The following DYRK1A variants were observed in gnomAD, a reference collection of about 807,000 sequenced individuals.
The protein encoded by DYRK1A is dual specificity tyrosine phosphorylation regulated kinase 1A.
In DYRK1A, 9 loss-of-function variants were observed where a neutral mutation model predicts 79.7. The observed-to-expected ratio is 0.11, with a 90% CI of 0.07 to 0.20. The LOEUF (loss-of-function observed/expected upper bound fraction) is 0.20. Among genes scored for constraint, DYRK1A ranks in the 10% least tolerant of loss-of-function variants. The probability of loss-of-function intolerance (pLI) is 1.00; values close to 1 mark genes in which losing one functional copy is unlikely to be tolerated. For missense variants in DYRK1A, 622 were observed against 956.0 expected, an observed-to-expected ratio of 0.65 and a Z score of 4.61; for synonymous variants, 349 against 329.7, an observed-to-expected ratio of 1.06 and a Z score of -0.63.
At chr21:37,479,595 TTTTTGTTTTTGTTTTTG>T (rs1427210981) in intron 4 of DYRK1A, among the ~76,000 whole-genome samples, 8 of 66,794 alleles carry the variant, frequency 1.2e-4, no homozygotes, top group African/African-American at 9.7e-4. Context: ...TGGTGTTTTG[TTTTTGTTTTTGTTTTTG>T]TTTTTTGTTT....
chr21:37,426,681 C>T (rs868357236), intron 2 of DYRK1A, among the ~76,000 whole-genome samples: 36 of 150,582 alleles, frequency 2.4e-4, no homozygotes, highest in African/African-American at 6.8e-4. Context: ...GAGGCCGAGG[C>T]GGGCAGATCA....
chr21:37,452,608 A>G (rs1366084841), intron 2 of DYRK1A, among the ~76,000 whole-genome samples: 1 of 152,086 alleles, frequency 6.6e-6, no homozygotes, highest in Non-Finnish European at 1.5e-5. Flanking sequence ...TTGAGTTTGT[A>G]CTGGAGAGGA....
chr21:37,526,211 A>T lies in DYRK1A; in HGVS notation c.*13680A>T, dbSNP rs1014076083. Reference sequence around the variant, plus strand: ...GGACCTCAATGCAAACCCAAAAGAAATTTTTATATTTCAGAATCCATTGAT... The same window carrying T: ...GGACCTCAATGCAAACCCAAAAGAATTTTTTATATTTCAGAATCCATTGAT... On this transcript the variant is annotated 3_prime_UTR_variant, in exon 12 of 12. Coordinates refer to ENST00000647188, the MANE Select transcript of DYRK1A (RefSeq NM_001347721.2). The T allele has an allele frequency of 1.3e-5, 2 of 152,226 alleles. No homozygotes were observed. The highest frequency in any genetic ancestry group is 2.9e-5 in the Non-Finnish European group (2 of 68,040). The allele number at this position is 152,226 out of a possible 1,614,324, so 9.4% of individuals were successfully genotyped here.
At chr21:37,500,319 T>C (rs2053403804) in intron 9 of DYRK1A, among the ~76,000 whole-genome samples, 1 of 152,228 alleles carries the variant, frequency 6.6e-6, no homozygotes, top group African/African-American at 2.4e-5. Context: ...TGTGATAACC[T>C]ACACTTGGCC....
rs528679029 is a variant in DYRK1A at position 37,515,564 on chromosome 21, G to A, written c.*3033G>A. 1.3e-5 allele frequency: 2 copies of A among 152,212 alleles called. No homozygotes were observed. The highest frequency in any genetic ancestry group is 2.1e-4 in the South Asian group (1 of 4,822). The allele number at this position is 152,212 out of a possible 1,614,324, so 9.4% of individuals were successfully genotyped here. On this transcript the variant is annotated 3_prime_UTR_variant, in exon 12 of 12. Coordinates refer to ENST00000647188, the MANE Select transcript of DYRK1A (RefSeq NM_001347721.2). ...CTCATTCTTCCTTCCCTAACTCCTC[G>A]TACGGGGCCATATCAGAATTCTAGA...
upstream of DYRK1A, among the ~76,000 whole-genome samples, chr21:37,366,367 G>A (rs1291494204): frequency 2.8e-5 from 4 of 145,170 alleles, no homozygotes; most frequent in East Asian, 6.1e-4. Flanking sequence ...GCGGCGGCGC[G>A]GGAGGCCGCG....
chr21:37,433,806 A>G (rs980254195), intron 2 of DYRK1A, among the ~76,000 whole-genome samples: 21 of 152,344 alleles, frequency 1.4e-4, no homozygotes, highest in African/African-American at 4.6e-4. Flanking sequence ...ATGTGTGACT[A>G]AAATATTGAT....
intron 1 of DYRK1A, among the ~76,000 whole-genome samples, chr21:37,416,400 T>C (rs1050306522): frequency 6.0e-5 from 9 of 151,122 alleles, no homozygotes; most frequent in African/African-American, 2.2e-4. Context: ...TTTTTAGGAT[T>C]TCACTTGAAA....
chr21:37,494,588 C>A lies in DYRK1A; in HGVS notation c.1071+1425C>A, dbSNP rs140319606. ...TCGGTGAAACCATATACCCCACTTA[C>A]GGTTGCAGTACCCCTTCTCCTCATC... On this transcript the variant is annotated intron_variant, in intron 8 of 11. Coordinates refer to ENST00000647188, the MANE Select transcript of DYRK1A (RefSeq NM_001347721.2). 6.5e-4 allele frequency among the ~76,000 whole-genome samples: 99 copies of A among 152,178 alleles called. 1 individual carries two copies. In the East Asian group the frequency reaches 0.016, roughly 25 times the overall value.
chr21:37,445,249 A>G (rs1463462091), intron 2 of DYRK1A, among the ~76,000 whole-genome samples: 3 of 152,248 alleles, frequency 2.0e-5, no homozygotes, highest in Admixed American at 6.5e-5. Context: ...AAACACGAAT[A>G]TAGGGAAAGC....
intron 2 of DYRK1A, among the ~76,000 whole-genome samples, chr21:37,445,392 A>G (rs569997883): frequency 7.9e-5 from 12 of 152,328 alleles, no homozygotes; most frequent in Middle Eastern, 3.4e-3. Flanking sequence ...AAAATAAGCA[A>G]CAAGTATTTG....
Position 37,524,088 on chromosome 21 carries a change from T to A in DYRK1A, c.*11557T>A, listed in dbSNP as rs2053952965. ...TTAAGGTACAATGGAGTATGAATTGTTACTGAATTAGGCAGCAAAGTGCAA... is the reference window on the plus strand; with the variant it reads ...TTAAGGTACAATGGAGTATGAATTGATACTGAATTAGGCAGCAAAGTGCAA... On this transcript the variant is annotated 3_prime_UTR_variant, in exon 12 of 12. Transcript: ENST00000647188. The A allele has an allele frequency of 6.6e-6, 1 of 152,192 alleles. No homozygotes were observed. Among genetic ancestry groups the A allele is most frequent in the South Asian group, 2.1e-4 (1 of 4,828 alleles). 9.4% of individuals were successfully genotyped at this position (152,192 alleles called of 1,614,324 possible).
At chr21:37,385,611 C>T (rs1356517331) in intron 1 of DYRK1A, among the ~76,000 whole-genome samples, 2 of 152,182 alleles carry the variant, frequency 1.3e-5, no homozygotes, top group East Asian at 3.8e-4. Context: ...ACTGCCCACA[C>T]TCGGGGAATG....
At chr21:37,478,841 TC>T (rs1318457637) in intron 4 of DYRK1A, among the ~76,000 whole-genome samples, 9 of 152,242 alleles carry the variant, frequency 5.9e-5, no homozygotes, top group African/African-American at 1.9e-4. Context: ...TGATAAGATG[TC>T]CAGAAGCTTT....
intron 1 of DYRK1A, among the ~76,000 whole-genome samples, chr21:37,379,250 G>C (rs2049609014): frequency 6.6e-6 from 1 of 151,998 alleles, no homozygotes; most frequent in Admixed American, 6.6e-5. Flanking sequence ...TGGAAGGCAG[G>C]ACCATTCTAG....
intron 2 of DYRK1A, among the ~76,000 whole-genome samples, chr21:37,422,874 A>C (rs2050513550): frequency 6.6e-6 from 1 of 152,152 alleles, no homozygotes; most frequent in Non-Finnish European, 1.5e-5. Flanking sequence ...TATTTAGTTC[A>C]TGTATCTATA....
In DYRK1A at chr21:37,516,044, T is replaced by A. The variant is rs2053877426; in HGVS notation, c.*3513T>A. ...GCAGGCACTCAGTTCTAGGCCAGTT[T>A]CTCAGTTTCCTTTGGGCCTGCCTTT... On this transcript the variant is annotated 3_prime_UTR_variant, in exon 12 of 12. Coordinates refer to ENST00000647188, the MANE Select transcript of DYRK1A (RefSeq NM_001347721.2). 6.6e-6 allele frequency: 1 copy of A among 152,186 alleles called. No individual in the cohort carries two copies. The allele number at this position is 152,186 out of a possible 1,614,324, so 9.4% of individuals were successfully genotyped here.
chr21:37,368,103 GGGGCC>G (rs561276058), intron 1 of DYRK1A: 4 of 152,912 alleles, frequency 2.6e-5, no homozygotes, highest in Admixed American at 6.6e-5. Context: ...CGAGGACGGC[GGGGCC>G]GGGCCGGGCC....
At chr21:37,391,755 C>G (rs532573575) in intron 1 of DYRK1A, among the ~76,000 whole-genome samples, 3 of 152,158 alleles carry the variant, frequency 2.0e-5, no homozygotes, top group Non-Finnish European at 4.4e-5. Context: ...TTCTTTTCTG[C>G]AGTTCTGCCA....
Sources: gnomAD v4.1 joint callset for allele counts (sites outside exome capture counted in the v4.1 genomes callset) on GRCh38, gnomAD v4.1.1 for gene constraint, MANE v1.5 for transcripts, NCBI Gene and HGNC (gene_info 2026-07-23, HGNC 2026-07-21) for gene names.